Variants in ARID1B observed in about 807,000 individuals in gnomAD.
The protein encoded by ARID1B is AT-rich interaction domain 1B.
Under a neutral mutation model 212.3 loss-of-function variants are expected in ARID1B, and 30 were observed. The ratio of observed to expected loss-of-function variants is 0.14; its 90% CI spans 0.11 to 0.19. ARID1B has a LOEUF of 0.19. Among genes scored for constraint, ARID1B ranks in the 10% least tolerant of loss-of-function variants. The pLI is 1.00. For missense variants in ARID1B, 2,891 were observed against 3,204.0 expected (o/e 0.90, Z 2.36); for synonymous variants, 1,402 against 1,301.7 (o/e 1.08, Z -1.66).
chr6:156,776,115 T>C (rs1334699150), upstream of ARID1B, among the ~76,000 whole-genome samples: 2 of 152,218 alleles, frequency 1.3e-5, no homozygotes, highest in Non-Finnish European at 2.9e-5. Context: ...AAAACTATAC[T>C]CTACCAAAAC....
chr6:157,094,575 G>A lies in ARID1B; in HGVS notation c.2491+9670G>A, dbSNP rs1217481139. ...TCGCCATGTTGGCCAGGCTGGTCTC[G>A]AACTCCTGACCTCTCGAAATCTGCC... On this transcript the variant is annotated intron_variant, in intron 5 of 19. Transcript: ENST00000636930. The surrounding 1 kb of genome is among the most constrained non-coding windows in gnomAD (Gnocchi z 4.3). Among the ~76,000 whole-genome samples, 1 of 152,058 alleles carries A rather than the reference G, an allele frequency of 6.6e-6. No homozygotes were observed. Among genetic ancestry groups the A allele is most frequent in the African/African-American group, 2.4e-5 (1 of 41,384 alleles).
intron 1 of ARID1B, among the ~76,000 whole-genome samples, chr6:156,793,423 C>T (rs577923163): frequency 1.3e-5 from 2 of 152,214 alleles, no homozygotes; most frequent in Admixed American, 1.3e-4. Context: ...CATGGCTCGA[C>T]TTTCTGGGCT....
chr6:157,174,046 T>C lies in ARID1B; in HGVS notation c.3274T>C (p.Ser1092Pro). Residue 1092 changes from serine to proline, a missense_variant, in exon 10 of 20, where the codon TCC becomes CCC. By Grantham distance (74) the Ser-to-Pro change is moderately conservative. Coordinates refer to ENST00000636930, the MANE Select transcript of ARID1B (RefSeq NM_001374828.1). The stretch of plus-strand genomic sequence containing the variant: ...TGCAGATATGATGTCTCCTGGTGAA[T>C]CCAAACTGCCCCTGCCTCTCAAAGC... The part of the protein sequence containing the change: ...GLADMMSPGE[S>P]KLPLPLKADG... 1 of 1,614,126 alleles carries C rather than the reference T, an allele frequency of 6.2e-7. No individual in the cohort carries two copies. The highest frequency in any genetic ancestry group is 8.5e-7 in the Non-Finnish European group (1 of 1,180,020).
Position 157,196,293 on chromosome 6 carries a change from T to C in ARID1B, c.4360T>C (p.Tyr1454His), listed in dbSNP as rs2128357397. The change falls in exon 16 of 20, where the codon TAT becomes CAT. Residue 1454 changes from tyrosine to histidine, a missense_variant. This residue lies in a region of ARID1B where 666 missense variants were observed against 873.5 expected (regional missense o/e 0.76). Transcript: ENST00000636930. ...LGMGQRQQFP[Y>H]GASYDRRHEP... Reference sequence around the variant, plus strand: ...CATGGGGCAGCGCCAGCAGTTTCCCTATGGAGCCAGTTACGACCGAAGGTG... The same window carrying C: ...CATGGGGCAGCGCCAGCAGTTTCCCCATGGAGCCAGTTACGACCGAAGGTG... 6.3e-7 allele frequency: 1 copy of C among 1,598,370 alleles called. No individual in the cohort carries two copies.
chr6:156,830,337 G>A (rs1218561111), intron 2 of ARID1B, among the ~76,000 whole-genome samples: 4 of 152,114 alleles, frequency 2.6e-5, no homozygotes, highest in Admixed American at 1.3e-4. Context: ...TGCGGCCGTC[G>A]GTAACCCACA....
intron 2 of ARID1B, among the ~76,000 whole-genome samples, chr6:156,881,094 G>C (rs560926996): frequency 1.3e-5 from 2 of 152,174 alleles, no homozygotes; most frequent in Non-Finnish European, 2.9e-5. Context: ...CAGGAGTTTC[G>C]AGAGAGCCCT....
chr6:157,027,121 T>TA (rs964885232), intron 4 of ARID1B, among the ~76,000 whole-genome samples: 5 of 151,386 alleles, frequency 3.3e-5, no homozygotes, highest in South Asian at 2.1e-4. Context: ...CTGAAAAGAA[T>TA]AAAAAAAAAT....
At chr6:157,131,756 T>C (rs910649502) in intron 6 of ARID1B, among the ~76,000 whole-genome samples, 1 of 152,192 alleles carries the variant, frequency 6.6e-6, no homozygotes, top group African/African-American at 2.4e-5. Context: ...AGGGGTGCCA[T>C]CTCAGCTCAC....
intron 3 of ARID1B, among the ~76,000 whole-genome samples, chr6:156,909,188 C>T (rs1486455422): frequency 7.5e-6 from 1 of 133,448 alleles, no homozygotes; most frequent in Non-Finnish European, 1.5e-5. Flanking sequence ...TGCAGTGGTG[C>T]AATCTTGGCT....
chr6:157,196,000 G>A, intron 15 of ARID1B, 165 bp from the exon 16 acceptor site: 2 of 741,508 alleles, frequency 2.7e-6, no homozygotes. Flanking sequence ...GGCAGAGGTT[G>A]CAGTGAGCCA....
At chr6:157,013,983 A>G (rs902827933) in intron 4 of ARID1B, among the ~76,000 whole-genome samples, 12 of 152,184 alleles carry the variant, frequency 7.9e-5, no homozygotes, top group African/African-American at 2.9e-4. Context: ...TGATGACATT[A>G]TTGAATATTT....
At position 156,804,957 on chromosome 6, in the gene ARID1B, T is replaced by G. The variant is rs141401486; in HGVS notation, c.1792-24270T>G. Among the ~76,000 whole-genome samples the G allele has an allele frequency of 2.3e-4, 35 of 151,912 alleles. No homozygotes were observed. The East Asian group carries it at 6.8e-3, about 29-fold the overall frequency. On this transcript the variant is annotated intron_variant, in intron 1 of 19. Transcript: ENST00000636930. ...CCCTTAAAATATAAAATTTAAAGAT[T>G]AGGCAGTATTACTAATGGCCAGTAC...
chr6:157,023,801 T>G (rs955155195), intron 4 of ARID1B: 2 of 152,228 alleles, frequency 1.3e-5, no homozygotes, highest in African/African-American at 2.4e-5. Flanking sequence ...AAACTTTGCC[T>G]ACCTAATATA....
chr6:156,832,506 G>A (rs1394441363), intron 2 of ARID1B, among the ~76,000 whole-genome samples: 2 of 152,190 alleles, frequency 1.3e-5, no homozygotes, highest in African/African-American at 4.8e-5. Context: ...AACCTCTAAT[G>A]AGCTGAATCC....
At chr6:157,025,585 G>T (rs1046276420) in intron 4 of ARID1B, among the ~76,000 whole-genome samples, 4 of 117,838 alleles carry the variant, frequency 3.4e-5, no homozygotes, top group Non-Finnish European at 5.3e-5. Context: ...CTTGAGTCAG[G>T]CTTCTTAGCA....
chr6:156,925,608 C>T (rs1791151879), intron 3 of ARID1B, among the ~76,000 whole-genome samples: 2 of 152,112 alleles, frequency 1.3e-5, no homozygotes, highest in Non-Finnish European at 1.5e-5. Context: ...TCTTTGGACT[C>T]ATTAATAATA....
At chr6:157,030,886 G>A (rs376751782) in intron 4 of ARID1B, among the ~76,000 whole-genome samples, 44 of 152,162 alleles carry the variant, frequency 2.9e-4, no homozygotes, top group African/African-American at 1.0e-3. Context: ...GAGGACGGCC[G>A]CTGTACTCAG....
At chr6:156,843,976 G>A (rs764866502) in intron 2 of ARID1B, among the ~76,000 whole-genome samples, 5 of 152,140 alleles carry the variant, frequency 3.3e-5, no homozygotes, top group Non-Finnish European at 5.9e-5. Flanking sequence ...GGATCTTGCT[G>A]TAGGAGTTTG....
intron 1 of ARID1B, among the ~76,000 whole-genome samples, chr6:156,824,769 A>G (rs1043704310): frequency 4.7e-5 from 7 of 148,858 alleles, no homozygotes; most frequent in African/African-American, 1.8e-4. Flanking sequence ...TGTCTCAGAA[A>G]ACAAAACAAA....
Sources: allele counts gnomAD v4.1 joint callset (sites outside exome capture counted in the v4.1 genomes callset), GRCh38; gene constraint gnomAD v4.1.1; regional missense constraint gnomAD v4.1.1; non-coding constraint Gnocchi (gnomAD v3.1); transcripts MANE v1.5; gene names NCBI Gene and HGNC (gene_info 2026-07-23, HGNC 2026-07-21).